The following CCDC149 variants were observed in gnomAD, a reference collection of about 807,000 sequenced individuals.
CCDC149 encodes coiled-coil domain containing 149.
In CCDC149, 45 loss-of-function variants were observed where a neutral mutation model predicts 59.9. The observed-to-expected ratio is 0.75, with a 90% CI of 0.59 to 0.96. The LOEUF (loss-of-function observed/expected upper bound fraction) is 0.96, where lower values mean the gene tolerates loss of function less well. Ranked by LOEUF, CCDC149 falls within the 40% of genes least tolerant of loss-of-function variation. The pLI, the probability that CCDC149 is intolerant of heterozygous loss-of-function variation, is 0.00. For missense variants in CCDC149, 584 were observed against 664.7 expected (o/e 0.88, Z 1.33); for synonymous variants, 245 against 260.6 (o/e 0.94, Z 0.58).
intron 12 of CCDC149, among the ~76,000 whole-genome samples, chr4:24,818,271 G>A (rs1260891838): frequency 6.6e-6 from 1 of 152,170 alleles, no homozygotes; most frequent in Non-Finnish European, 1.5e-5. Flanking sequence ...GAAGAAAGCA[G>A]GAAGAGTTGG....
At chr4:24,818,877 G>A (rs1378428777) in intron 12 of CCDC149, among the ~76,000 whole-genome samples, 1 of 152,182 alleles carries the variant, frequency 6.6e-6, no homozygotes, top group Non-Finnish European at 1.5e-5. Context: ...ATGGAAGACG[G>A]TTACACGGGG....
At chr4:24,860,362 A>T (rs2109204553) in intron 3 of CCDC149, among the ~76,000 whole-genome samples, 1 of 152,334 alleles carries the variant, frequency 6.6e-6, no homozygotes, top group East Asian at 1.9e-4. Context: ...CCTATTCAAC[A>T]AACGGTGCTG....
chr4:24,847,632 G>A (rs76639372), intron 4 of CCDC149, among the ~76,000 whole-genome samples: 1 of 152,284 alleles, frequency 6.6e-6, no homozygotes, highest in East Asian at 1.9e-4. Flanking sequence ...TAAACAATTC[G>A]ATGAGAGGCA....
intron 1 of CCDC149, among the ~76,000 whole-genome samples, chr4:24,881,063 G>C (rs1384731029): frequency 6.6e-6 from 1 of 152,222 alleles, no homozygotes; most frequent in African/African-American, 2.4e-5. Flanking sequence ...GTCTAAGACA[G>C]AGCTGGCTCG....
intron 4 of CCDC149, among the ~76,000 whole-genome samples, chr4:24,840,714 A>T (rs1716882969): frequency 6.6e-6 from 1 of 152,190 alleles, no homozygotes; most frequent in Non-Finnish European, 1.5e-5. Flanking sequence ...TCAGTGCAAG[A>T]AGGCTGTGAA....
At chr4:24,839,916 C>T (rs192898168) in intron 4 of CCDC149, among the ~76,000 whole-genome samples, 3 of 152,208 alleles carry the variant, frequency 2.0e-5, no homozygotes, top group East Asian at 1.9e-4. Flanking sequence ...CACACAGATC[C>T]GACCCAGCCA....
At chr4:24,968,125 C>T (rs906847968) in intron 1 of CCDC149, among the ~76,000 whole-genome samples, 3 of 152,220 alleles carry the variant, frequency 2.0e-5, no homozygotes, top group Non-Finnish European at 4.4e-5. Context: ...CCCTACAGGT[C>T]GTTGACCAGG....
chr4:24,936,674 T>A (rs1394229192), intron 1 of CCDC149, among the ~76,000 whole-genome samples: 1 of 152,194 alleles, frequency 6.6e-6, no homozygotes, highest in Non-Finnish European at 1.5e-5. Flanking sequence ...TGTCTATCTC[T>A]TTGTTCCCAT....
intron 1 of CCDC149, among the ~76,000 whole-genome samples, chr4:24,922,540 T>G (rs868840102): frequency 6.6e-6 from 1 of 152,238 alleles, no homozygotes; most frequent in African/African-American, 2.4e-5. Context: ...TTTTTCATGC[T>G]TCTCCAACGT....
intron 2 of CCDC149, among the ~76,000 whole-genome samples, chr4:24,875,472 TA>T (rs1269798322): frequency 2.6e-5 from 4 of 152,168 alleles, no homozygotes; most frequent in African/African-American, 7.2e-5. Context: ...TTTTTAAAAA[TA>T]AATTTGGAAT....
intron 1 of CCDC149, among the ~76,000 whole-genome samples, chr4:24,900,254 C>T (rs1721086152): frequency 6.6e-6 from 1 of 152,228 alleles, no homozygotes; most frequent in South Asian, 2.1e-4. Flanking sequence ...ACCTTCTCCT[C>T]TGCTAGACAT....
intron 9 of CCDC149, among the ~76,000 whole-genome samples, chr4:24,823,279 C>T (rs1715527024): frequency 6.6e-6 from 1 of 152,156 alleles, no homozygotes; most frequent in Non-Finnish European, 1.5e-5. Flanking sequence ...CATTCTGAGT[C>T]ACTAAGATAT....
intron 10 of CCDC149, among the ~76,000 whole-genome samples, chr4:24,821,379 T>C (rs1715384211): frequency 6.6e-6 from 1 of 152,202 alleles, no homozygotes; most frequent in Admixed American, 6.5e-5. Flanking sequence ...AGAAAGGCCT[T>C]CCTAGAAGAT....
intron 1 of CCDC149, among the ~76,000 whole-genome samples, chr4:24,938,028 A>G (rs562336568): frequency 2.6e-4 from 40 of 152,178 alleles, no homozygotes; most frequent in Non-Finnish European, 5.7e-4. Flanking sequence ...AAAATACATA[A>G]CACAGTATTG....
chr4:24,945,150 G>A (rs1326399714), intron 1 of CCDC149, among the ~76,000 whole-genome samples: 1 of 152,154 alleles, frequency 6.6e-6, no homozygotes, highest in African/African-American at 2.4e-5. Context: ...GGTCTAGGGT[G>A]GGGGCTGAGA....
At chr4:24,804,192 C>G (rs886477456), downstream of CCDC149, among the ~76,000 whole-genome samples, 3 of 151,860 alleles carry the variant, frequency 2.0e-5, no homozygotes, top group Non-Finnish European at 4.4e-5. Flanking sequence ...CTCTCTTTTT[C>G]AAAAAGAAGG....
intron 4 of CCDC149, among the ~76,000 whole-genome samples, chr4:24,850,062 A>G (rs1717557003): frequency 6.6e-6 from 1 of 152,062 alleles, no homozygotes; most frequent in Non-Finnish European, 1.5e-5. Flanking sequence ...AAATTTCTAA[A>G]CTACTTCTTA....
At chr4:24,827,470 A>G (rs528193803) in intron 9 of CCDC149, 2 of 152,390 alleles carry the variant, frequency 1.3e-5, no homozygotes, top group African/African-American at 2.4e-5. Flanking sequence ...ATATGTCCTC[A>G]TATATTCACC....
In CCDC149 at chr4:24,931,562, A is replaced by G. The variant is rs757310844; in HGVS notation, c.-64-36444T>C. ...GGTTAGTGACCTTCTCATTCACTGC[A>G]GCAGAAGAGAAGAGAGGCCAAATGA... On this transcript the variant is annotated intron_variant, in intron 1 of 12. Coordinates refer to the CCDC149 transcript ENST00000389609. Among the ~76,000 whole-genome samples the G allele has an allele frequency of 1.5e-3, 229 of 151,380 alleles. 1 individual carries two copies. Among genetic ancestry groups the G allele is most frequent in the Admixed American group, 2.5e-3 (38 of 15,204 alleles).
Sources: gnomAD v4.1 joint callset for allele counts (sites outside exome capture counted in the v4.1 genomes callset) on GRCh38, gnomAD v4.1.1 for gene constraint, MANE v1.5 for transcripts, NCBI Gene and HGNC (gene_info 2026-07-23, HGNC 2026-07-21) for gene names.